CNBD1: variants seen among roughly 807,000 people sequenced by gnomAD.
CNBD1 encodes the protein cyclic nucleotide binding domain containing 1, also known as cyclic nucleotide-binding domain-containing protein 1.
In CNBD1, 71 loss-of-function variants were observed where a neutral mutation model predicts 54.4. The observed-to-expected ratio is 1.30, with a 90% CI of 1.08 to 1.59. The LOEUF (loss-of-function observed/expected upper bound fraction) is 1.59, where lower values mean the gene tolerates loss of function less well. Among genes scored for constraint, CNBD1 ranks in the 40% most tolerant of loss-of-function variants. The pLI is 0.00. For missense variants in CNBD1, 659 were observed against 518.0 expected, an observed-to-expected ratio of 1.27 and a Z score of -2.64; for synonymous variants, 182 against 170.7, an observed-to-expected ratio of 1.07 and a Z score of -0.51.
At chr8:87,058,551 G>T (rs192283938) in intron 4 of CNBD1, among the ~76,000 whole-genome samples, 53 of 152,284 alleles carry the variant, frequency 3.5e-4, no homozygotes, top group Non-Finnish European at 5.6e-4. Flanking sequence ...CTAGGTGGAG[G>T]TTCCCAAACC....
At chr8:86,876,286 C>CT in intron 1 of CNBD1, among the ~76,000 whole-genome samples, 1 of 151,638 alleles carries the variant, frequency 6.6e-6, no homozygotes, top group South Asian at 2.1e-4. Flanking sequence ...AGGCTTTTCT[C>CT]TTTTTTCTAA....
At chr8:87,259,007 CTAA>C (rs1808080374) in intron 6 of CNBD1, among the ~76,000 whole-genome samples, 1 of 152,282 alleles carries the variant, frequency 6.6e-6, no homozygotes, top group East Asian at 1.9e-4. Flanking sequence ...CTCATACCTT[CTAA>C]TAATCTCTTA....
chr8:86,922,726 C>G (rs921452808), intron 3 of CNBD1, among the ~76,000 whole-genome samples: 1 of 152,048 alleles, frequency 6.6e-6, no homozygotes, highest in Non-Finnish European at 1.5e-5. Context: ...AAGGTACTTT[C>G]GTTTTATGCT....
chr8:87,268,628 G>T (rs1001557372), intron 6 of CNBD1, among the ~76,000 whole-genome samples: 11 of 151,984 alleles, frequency 7.2e-5, no homozygotes, highest in African/African-American at 2.7e-4. Context: ...TAGCCATTTT[G>T]ACTGGTGTGA....
chr8:86,955,239 A>G (rs1807733897), intron 4 of CNBD1, among the ~76,000 whole-genome samples: 1 of 152,108 alleles, frequency 6.6e-6, no homozygotes, highest in Admixed American at 6.5e-5. Context: ...TCATTGATGG[A>G]CATTTGGGAT....
intron 10 of CNBD1, among the ~76,000 whole-genome samples, chr8:87,380,161 A>G (rs1332682886): frequency 6.6e-6 from 1 of 152,006 alleles, no homozygotes. Context: ...AGATTAATAT[A>G]ATTTAATAAT....
chr8:87,398,159 C>A (rs1472744560), intron 2 of CNBD1, among the ~76,000 whole-genome samples: 1 of 151,388 alleles, frequency 6.6e-6, no homozygotes, highest in South Asian at 2.1e-4. Flanking sequence ...TCAGCAAACA[C>A]CTTTTTGCAA....
chr8:86,931,642 C>G (rs867625232), intron 3 of CNBD1, among the ~76,000 whole-genome samples: 2 of 151,922 alleles, frequency 1.3e-5, no homozygotes, highest in Non-Finnish European at 2.9e-5. Flanking sequence ...TCAGCCTGTT[C>G]CTTCCTCTTT....
At chr8:86,891,015 C>T (rs968674682) in intron 2 of CNBD1, among the ~76,000 whole-genome samples, 1 of 151,498 alleles carries the variant, frequency 6.6e-6, no homozygotes, top group African/African-American at 2.4e-5. Context: ...ATATAGTTTG[C>T]AAATATTTTC....
rs376891905 is a variant in CNBD1 at position 87,368,070 on chromosome 8, G to A, written c.1303+14284G>A. 5.9e-5 allele frequency among the ~76,000 whole-genome samples: 9 copies of A among 152,088 alleles called. No individual in the cohort carries two copies. In the East Asian group the frequency reaches 1.4e-3, roughly 23 times the overall value. On this transcript the variant is annotated intron_variant, in intron 10 of 10. Transcript: ENST00000518476. Reference sequence around the variant, plus strand: ...GCAGCTACTCAGGAGGCTGAGGCAGGAGAATTGCTTGAACCCAGGAGGTGG... The same window carrying A: ...GCAGCTACTCAGGAGGCTGAGGCAGAAGAATTGCTTGAACCCAGGAGGTGG...
At chr8:87,175,428 T>G (rs562761880) in intron 4 of CNBD1, among the ~76,000 whole-genome samples, 5 of 152,288 alleles carry the variant, frequency 3.3e-5, no homozygotes, top group African/African-American at 1.2e-4. Flanking sequence ...CTGCAGTTAT[T>G]CAGGACCCAA....
intron 4 of CNBD1, among the ~76,000 whole-genome samples, chr8:86,974,657 G>A (rs1808300507): frequency 6.6e-6 from 1 of 151,700 alleles, no homozygotes; most frequent in South Asian, 2.1e-4. Flanking sequence ...AGCAAATTAT[G>A]GTTAATAATG....
At chr8:87,185,438 T>G (rs570204855) in intron 4 of CNBD1, among the ~76,000 whole-genome samples, 1 of 152,314 alleles carries the variant, frequency 6.6e-6, no homozygotes, top group East Asian at 1.9e-4. Context: ...TCATACATAG[T>G]GTGAACTTTG....
At chr8:87,157,698 G>A (rs1248325119) in intron 4 of CNBD1, among the ~76,000 whole-genome samples, 1 of 152,168 alleles carries the variant, frequency 6.6e-6, no homozygotes, top group Non-Finnish European at 1.5e-5. Context: ...GCTCAGGCAG[G>A]GCAGAGGGGT....
At chr8:86,926,144 C>T (rs964832513) in intron 3 of CNBD1, among the ~76,000 whole-genome samples, 2 of 152,140 alleles carry the variant, frequency 1.3e-5, no homozygotes, top group Non-Finnish European at 2.9e-5. Flanking sequence ...TTACAATCCT[C>T]TCATAAGACA....
intron 6 of CNBD1, among the ~76,000 whole-genome samples, chr8:87,262,627 C>T (rs1035602375): frequency 5.3e-5 from 8 of 152,134 alleles, no homozygotes; most frequent in Non-Finnish European, 1.2e-4. Context: ...TTCTGTTTTT[C>T]TGGAGAACCT....
intron 8 of CNBD1, among the ~76,000 whole-genome samples, chr8:87,311,261 CAAAA>C (rs547992892): frequency 1.7e-3 from 252 of 151,812 alleles, no homozygotes; most frequent in South Asian, 3.1e-3. Context: ...AAGCAAAAAA[CAAAA>C]AAACTCACCT....
chr8:87,213,193 G>T (rs1814137778), intron 5 of CNBD1, among the ~76,000 whole-genome samples: 4 of 152,062 alleles, frequency 2.6e-5, no homozygotes, highest in Admixed American at 2.6e-4. Context: ...ATAAAAGAAA[G>T]TATTAAGCGT....
intron 6 of CNBD1, among the ~76,000 whole-genome samples, chr8:87,284,210 T>A (rs1277471801): frequency 2.6e-5 from 4 of 152,154 alleles, no homozygotes; most frequent in Non-Finnish European, 5.9e-5. Flanking sequence ...CATTTTTCCA[T>A]GCCTAATATT....
Sources: allele counts gnomAD v4.1 joint callset (sites outside exome capture counted in the v4.1 genomes callset), GRCh38; gene constraint gnomAD v4.1.1; transcripts MANE v1.5; gene names NCBI Gene and HGNC (gene_info 2026-07-23, HGNC 2026-07-21).